The following CPVL variants were observed in gnomAD, a reference collection of about 807,000 sequenced individuals.
The protein encoded by CPVL is carboxypeptidase vitellogenic like.
CPVL carries 51 observed loss-of-function variants against 63.7 expected under a neutral mutation model. That is an observed-to-expected ratio of 0.80 (90% CI 0.64 to 1.01). The LOEUF is 1.01. Among genes scored for constraint, CPVL ranks in the 50% least tolerant of loss-of-function variants. The pLI, the probability that CPVL is intolerant of heterozygous loss-of-function variation, is 0.00. For missense variants in CPVL, 530 were observed against 573.1 expected, an observed-to-expected ratio of 0.92 and a Z score of 0.77; for synonymous variants, 195 against 206.0, an observed-to-expected ratio of 0.95 and a Z score of 0.46.
At chr7:29,030,434 G>A in intron 12 of CPVL, 143 bp downstream of exon 12, 1 of 771,724 alleles carries the variant, frequency 1.3e-6, no homozygotes, top group East Asian at 2.5e-5. Context: ...ACTCTTCTCT[G>A]TGGAAAGTAG....
At chr7:28,999,806 G>A (rs939279802) in intron 12 of CPVL, among the ~76,000 whole-genome samples, 1 of 152,160 alleles carries the variant, frequency 6.6e-6, no homozygotes, top group African/African-American at 2.4e-5. Flanking sequence ...CCCAAACAAA[G>A]CATATTCTTA....
intron 1 of CPVL, among the ~76,000 whole-genome samples, chr7:29,121,776 T>C (rs1311954067): frequency 6.6e-6 from 1 of 152,104 alleles, no homozygotes; most frequent in Non-Finnish European, 1.5e-5. Context: ...AAAGAAGCAA[T>C]GGATTTCTGG....
intron 12 of CPVL, among the ~76,000 whole-genome samples, chr7:29,018,378 CT>C (rs70977092): frequency 1.7e-3 from 214 of 123,976 alleles, no homozygotes; most frequent in East Asian, 7.8e-3. Context: ...AATTTTTAAT[CT>C]TTTTTTTTTT....
At chr7:29,078,487 T>C (rs1784420266) in intron 7 of CPVL, among the ~76,000 whole-genome samples, 1 of 152,200 alleles carries the variant, frequency 6.6e-6, no homozygotes, top group Admixed American at 6.5e-5. Flanking sequence ...TAATTTGACT[T>C]TTAAATAAAG....
At chr7:29,095,305 T>G (rs889544853) in intron 4 of CPVL, among the ~76,000 whole-genome samples, 163 bp from the exon 5 acceptor site, 1 of 152,102 alleles carries the variant, frequency 6.6e-6, no homozygotes, top group Non-Finnish European at 1.5e-5. Flanking sequence ...CACCTGCACC[T>G]TTACCCTCCC....
At chr7:29,084,574 T>G (rs191114588) in intron 7 of CPVL, among the ~76,000 whole-genome samples, 1 of 152,208 alleles carries the variant, frequency 6.6e-6, no homozygotes, top group African/African-American at 2.4e-5. Context: ...TTTTCAGTGT[T>G]ATTCACCATT....
intron 12 of CPVL, among the ~76,000 whole-genome samples, chr7:29,014,253 T>C (rs974575777): frequency 2.6e-5 from 4 of 152,330 alleles, no homozygotes; most frequent in African/African-American, 7.2e-5. Context: ...ACATCCATCA[T>C]TGTAGAAGGC....
At chr7:29,149,812 CTT>C (rs1429621037), upstream of CPVL, among the ~76,000 whole-genome samples, 2 of 152,162 alleles carry the variant, frequency 1.3e-5, no homozygotes, top group Non-Finnish European at 2.9e-5. Flanking sequence ...CTCTCTGTGT[CTT>C]TTCACAGTGT....
chr7:29,037,879 C>T (rs1788703733), intron 11 of CPVL, among the ~76,000 whole-genome samples: 1 of 152,186 alleles, frequency 6.6e-6, no homozygotes, highest in Non-Finnish European at 1.5e-5. Context: ...ATGTCATCTA[C>T]TCACTCTGAG....
rs1490315016 is a variant in CPVL at position 29,089,187 on chromosome 7, GA to G, written c.543-2638del. ...AAGGTACCTTAAAGGACCAAAAAGAGAAACAGATTGCAAGGAAGAATGACTA... is the reference window on the plus strand; with the variant it reads ...AAGGTACCTTAAAGGACCAAAAAGAGAACAGATTGCAAGGAAGAATGACTA... On this transcript the variant is annotated intron_variant, in intron 6 of 12. Transcript: ENST00000265394. Among the ~76,000 whole-genome samples, 5 of 152,240 alleles carry G rather than the reference GA, an allele frequency of 3.3e-5. No homozygotes were observed. In the East Asian group the frequency reaches 9.7e-4, roughly 30 times the overall value.
chr7:29,191,132 A>C (rs1484274715), intron 1 of CPVL, among the ~76,000 whole-genome samples: 1 of 152,030 alleles, frequency 6.6e-6, no homozygotes, highest in African/African-American at 2.4e-5. Context: ...ATGAGGCCTC[A>C]TGTTGCTCAG....
At chr7:29,079,722 A>C (rs552194193) in intron 7 of CPVL, among the ~76,000 whole-genome samples, 100 of 152,346 alleles carry the variant, frequency 6.6e-4, no homozygotes, top group African/African-American at 2.3e-3. Context: ...TAGAATGCTA[A>C]TAATTATAAG....
chr7:29,107,807 G>A (rs369603173), intron 3 of CPVL, among the ~76,000 whole-genome samples: 1 of 152,286 alleles, frequency 6.6e-6, no homozygotes, highest in East Asian at 1.9e-4. Flanking sequence ...TGTGTTACTG[G>A]AGAAGTTCAG....
intron 1 of CPVL, among the ~76,000 whole-genome samples, chr7:29,135,394 C>G (rs971158427): frequency 6.6e-6 from 1 of 151,234 alleles, no homozygotes; most frequent in African/African-American, 2.4e-5. Context: ...TGCAGTGGCG[C>G]GATCTTGGCT....
chr7:29,089,648 A>G (rs1785568789), intron 6 of CPVL, among the ~76,000 whole-genome samples: 2 of 152,148 alleles, frequency 1.3e-5, no homozygotes, highest in South Asian at 4.1e-4. Flanking sequence ...GCAATGACCC[A>G]AAGACTCAAA....
chr7:29,137,318 T>C (rs182096288), intron 1 of CPVL, among the ~76,000 whole-genome samples: 1,572 of 152,298 alleles, frequency 0.01, 14 homozygotes, highest in Non-Finnish European at 0.017. Context: ...CCAGATTTTA[T>C]AGACAGGCTT....
Position 29,092,617 on chromosome 7 carries a change from T to C in CPVL, c.542+6A>G. The C allele has an allele frequency of 6.2e-7, 1 of 1,605,524 alleles. No homozygotes were observed. The highest frequency in any genetic ancestry group is 1.7e-5 in the Admixed American group (1 of 60,012). On this transcript the variant is annotated splice_donor_region_variant and intron_variant, in intron 6 of 12. Transcript: ENST00000265394. ...GGAAAGCCAAGAGAAAGCAGGAGCA[T>C]TTTACCTGTATAAATCCCGTGCTAC...
chr7:29,167,888 G>A (rs1353865165), intron 5 of CPVL, among the ~76,000 whole-genome samples: 5 of 152,200 alleles, frequency 3.3e-5, no homozygotes, highest in Admixed American at 2.6e-4. Context: ...ATTACTTACT[G>A]ATGCAAAAAC....
intron 11 of CPVL, among the ~76,000 whole-genome samples, chr7:29,041,101 T>A (rs1014140436): frequency 1.3e-5 from 2 of 150,576 alleles, no homozygotes; most frequent in African/African-American, 2.4e-5. Context: ...CTCAAGAATC[T>A]CCTCTGACCA....
Sources: gnomAD v4.1 joint callset for allele counts (sites outside exome capture counted in the v4.1 genomes callset) on GRCh38, gnomAD v4.1.1 for gene constraint, MANE v1.5 for transcripts, NCBI Gene and HGNC (gene_info 2026-07-23, HGNC 2026-07-21) for gene names.